Variants in PCDHGA6 observed in about 807,000 individuals in gnomAD.
PCDHGA6 encodes protocadherin gamma subfamily A, 6.
In PCDHGA6, 41 loss-of-function variants were observed where a neutral mutation model predicts 60.6. The ratio of observed to expected loss-of-function variants is 0.68; its 90% CI spans 0.53 to 0.88. The LOEUF is 0.88. Among genes scored for constraint, PCDHGA6 ranks in the 40% least tolerant of loss-of-function variants. PCDHGA6 has a pLI of 0.00. For missense variants in PCDHGA6, 1,312 were observed against 1,203.0 expected (o/e 1.09, Z -1.34); for synonymous variants, 594 against 524.4 (o/e 1.13, Z -1.81).
chr5:141,388,391 T>C, intron 1 of PCDHGA6: 2 of 1,613,964 alleles, frequency 1.2e-6, no homozygotes, highest in Non-Finnish European at 1.7e-6. Flanking sequence ...CACTGCAGAA[T>C]TACCAACTCA....
chr5:141,421,362 C>T (rs2096566609), intron 1 of PCDHGA6: 1 of 1,613,998 alleles, frequency 6.2e-7, no homozygotes, highest in African/African-American at 1.3e-5. Context: ...AGGGCTCCTT[C>T]GTGGGCAATA....
At chr5:141,502,512 T>C (rs1029375922) in intron 2 of PCDHGA6, among the ~76,000 whole-genome samples, 2 of 152,212 alleles carry the variant, frequency 1.3e-5, no homozygotes, top group East Asian at 1.9e-4. Context: ...CCTGTCCCAC[T>C]ATCAGTGATG....
At chr5:141,466,528 T>C (rs1171715691) in intron 1 of PCDHGA6, among the ~76,000 whole-genome samples, 1 of 152,204 alleles carries the variant, frequency 6.6e-6, no homozygotes, top group African/African-American at 2.4e-5. Context: ...TCCTCCCAAA[T>C]TGATGTAGAT....
intron 1 of PCDHGA6, chr5:141,417,773 T>C: frequency 6.9e-7 from 1 of 1,458,374 alleles, no homozygotes; most frequent in South Asian, 1.4e-5. Context: ...GGACTCCTCC[T>C]GTCCTGGGCC....
In PCDHGA6 at chr5:141,511,116, G is replaced by A. The variant is rs2099883616; in HGVS notation, c.2742G>A (p.Lys914=). Residue 914 remains lysine, a synonymous_variant, in exon 4 of 4, where the codon AAG becomes AAA. Transcript: ENST00000517434. The stretch of plus-strand genomic sequence containing the variant: ...ACGCAGCTGGCAAGCGGGATGGCAA[G>A]GCCCCAGCAGGTGGCAATGGCAACA... ...LTNAAGKRDG[K]APAGGNGNKK... The A allele has an allele frequency of 1.9e-6, 3 of 1,614,234 alleles. No individual in the cohort carries two copies. The highest frequency in any genetic ancestry group is 2.5e-6 in the Non-Finnish European group (3 of 1,180,026).
At chr5:141,393,399 C>A in intron 1 of PCDHGA6, 2 of 1,614,028 alleles carry the variant, frequency 1.2e-6, no homozygotes, top group Non-Finnish European at 1.7e-6. Context: ...AGAGCTGGTG[C>A]TGGAGCGCGC....
chr5:141,426,104 A>T (rs2096915289), intron 1 of PCDHGA6, among the ~76,000 whole-genome samples: 1 of 152,258 alleles, frequency 6.6e-6, no homozygotes, highest in Non-Finnish European at 1.5e-5. Flanking sequence ...GTTCAGTCAC[A>T]GAAGCAAGTC....
At chr5:141,470,983 C>G (rs1486663328) in intron 1 of PCDHGA6, among the ~76,000 whole-genome samples, 2 of 151,528 alleles carry the variant, frequency 1.3e-5, no homozygotes, top group African/African-American at 4.9e-5. Context: ...TCCCAAAGTG[C>G]TGGGACTACA....
At chr5:141,414,313 T>C in intron 1 of PCDHGA6, 1 of 1,613,748 alleles carries the variant, frequency 6.2e-7, no homozygotes, top group Non-Finnish European at 8.5e-7. Context: ...TGATTTAGAC[T>C]CTGAGCAGAA....
chr5:141,378,459 G>T (rs1022046466), intron 1 of PCDHGA6: 5 of 152,250 alleles, frequency 3.3e-5, no homozygotes, highest in Admixed American at 6.5e-5. Context: ...TGAGGCAGAG[G>T]TTGCAGTGAG....
chr5:141,404,455 C>T, intron 1 of PCDHGA6: 1 of 1,611,994 alleles, frequency 6.2e-7, no homozygotes, highest in Non-Finnish European at 8.5e-7. Context: ...GGTCTCCTCT[C>T]TCCACCTATG....
At chr5:141,475,071 C>T (rs1198043142) in intron 1 of PCDHGA6, among the ~76,000 whole-genome samples, 2 of 152,198 alleles carry the variant, frequency 1.3e-5, no homozygotes, top group Non-Finnish European at 2.9e-5. Context: ...AGCTTTGCTG[C>T]CATTATTTCA....
rs1427052612 is a variant in PCDHGA6 at position 141,493,002 on chromosome 5, A to G, written c.2425-1805A>G. Among the ~76,000 whole-genome samples, 4 of 152,246 alleles carry G rather than the reference A, an allele frequency of 2.6e-5. No individual in the cohort carries two copies. The highest frequency in any genetic ancestry group is 2.1e-4 in the South Asian group (1 of 4,832). On this transcript the variant is annotated intron_variant, in intron 1 of 3. Transcript: ENST00000517434. This position sits in a 1 kb window ranked among gnomAD's most constrained non-coding sequence, Gnocchi z 4.3. ...TCTCCTCTGGCAGATGGAAAGCTAT[A>G]GGCTCTGCCAGATGCCAGGGTGCCC... is the stretch of plus-strand genomic sequence containing the variant.
At position 141,432,135 on chromosome 5, in the gene PCDHGA6, C is replaced by T; in HGVS notation, c.2424+55628C>T. On this transcript the variant is annotated intron_variant, in intron 1 of 3. Transcript: ENST00000517434. This position sits in a 1 kb window ranked among gnomAD's most constrained non-coding sequence, Gnocchi z 6.0. ...GTCTTCCCTCAGGCCTCCTATTCCGCTTATATCCCAGAGAACAATCCCAGA... is the reference window on the plus strand; with the variant it reads ...GTCTTCCCTCAGGCCTCCTATTCCGTTTATATCCCAGAGAACAATCCCAGA... The T allele has an allele frequency of 6.2e-7, 1 of 1,614,140 alleles. No homozygotes were observed. Among genetic ancestry groups the T allele is most frequent in the Non-Finnish European group, 8.5e-7 (1 of 1,180,026 alleles).
chr5:141,430,255 T>TC (rs11167746), intron 1 of PCDHGA6, among the ~76,000 whole-genome samples: 81,857 of 151,872 alleles, frequency 0.54, 24,107 homozygotes, highest in African/African-American at 0.79. Flanking sequence ...GGGAGACATC[T>TC]CCATAATAGG....
intron 2 of PCDHGA6, among the ~76,000 whole-genome samples, chr5:141,497,539 C>A (rs2099777336): frequency 6.9e-6 from 1 of 145,274 alleles, no homozygotes; most frequent in African/African-American, 2.6e-5. Context: ...ATGCAACAAA[C>A]CTTTTTTTTT....
At position 141,413,426 on chromosome 5, in the gene PCDHGA6, G is replaced by T. The variant is rs138985917; in HGVS notation, c.2424+36919G>T. On this transcript the variant is annotated intron_variant, in intron 1 of 3. Transcript: ENST00000517434. Reference sequence around the variant, plus strand: ...ACGCAGCTTTTCTCTCTGAACCCGCGCAGCGGCAGCTTGATCACCGCGGGC... The same window carrying T: ...ACGCAGCTTTTCTCTCTGAACCCGCTCAGCGGCAGCTTGATCACCGCGGGC... 776 of 1,614,090 alleles carry T rather than the reference G, an allele frequency of 4.8e-4. 5 individuals carry two copies. The African/African-American group carries it at 9.2e-3, about 19-fold the overall frequency.
At chr5:141,423,755 G>GT (rs542747697) in intron 1 of PCDHGA6, 5 of 512,416 alleles carry the variant, frequency 9.8e-6, no homozygotes, top group Admixed American at 7.1e-5. Context: ...CTGTTTGGGG[G>GT]GGGGGTGGGG....
chr5:141,397,965 C>G (rs2093591451), intron 1 of PCDHGA6: 3 of 1,077,486 alleles, frequency 2.8e-6, no homozygotes, highest in South Asian at 1.7e-5. Context: ...AGCTCAGACT[C>G]CCCAGCGCCG....
Sources: gnomAD v4.1 joint callset for allele counts (sites outside exome capture counted in the v4.1 genomes callset) on GRCh38, gnomAD v4.1.1 for gene constraint, Gnocchi (gnomAD v3.1) non-coding constraint, MANE v1.5 for transcripts, NCBI Gene and HGNC (gene_info 2026-07-23, HGNC 2026-07-21) for gene names.